Variants in COX7B2 observed in about 807,000 individuals in gnomAD.
COX7B2 encodes cytochrome c oxidase subunit 7B2, mitochondrial.
For missense variants in COX7B2, 109 were observed against 95.9 expected (o/e 1.14, Z -0.57); for synonymous variants, 37 against 32.1 (o/e 1.15, Z -0.51).
intron 1 of COX7B2, among the ~76,000 whole-genome samples, chr4:46,853,978 A>G (rs1160275586): frequency 6.6e-6 from 1 of 152,162 alleles, no homozygotes; most frequent in Non-Finnish European, 1.5e-5. Flanking sequence ...CTTGTGGATA[A>G]TTCAAGTGAA....
intron 2 of COX7B2, among the ~76,000 whole-genome samples, chr4:46,751,680 G>T (rs1715389008): frequency 6.6e-6 from 1 of 151,874 alleles, no homozygotes; most frequent in South Asian, 2.1e-4. Context: ...CTAGGAAAGT[G>T]ATTTTATATT....
intron 2 of COX7B2, among the ~76,000 whole-genome samples, chr4:46,751,308 G>A (rs1044532102): frequency 1.3e-5 from 2 of 151,470 alleles, no homozygotes; most frequent in East Asian, 2.0e-4. Flanking sequence ...TTTTGCAAAA[G>A]CATACATATG....
At chr4:46,873,671 A>G (rs1216298467) in intron 1 of COX7B2, among the ~76,000 whole-genome samples, 6 of 151,908 alleles carry the variant, frequency 3.9e-5, no homozygotes, top group Admixed American at 6.6e-5. Context: ...TGCTATTACT[A>G]TTTTTTTTAA....
At chr4:46,896,732 T>C (rs1460986973) in intron 1 of COX7B2, among the ~76,000 whole-genome samples, 1 of 152,200 alleles carries the variant, frequency 6.6e-6, no homozygotes, top group Non-Finnish European at 1.5e-5. Context: ...ATGAATATTG[T>C]ATTTTTTGCC....
chr4:46,845,487 A>G (rs1027366015), intron 1 of COX7B2, among the ~76,000 whole-genome samples: 2 of 152,006 alleles, frequency 1.3e-5, no homozygotes, highest in African/African-American at 4.8e-5. Context: ...TAATGCCTCA[A>G]ATGTGGTTGA....
At chr4:46,852,008 T>C (rs1716722401) in intron 1 of COX7B2, among the ~76,000 whole-genome samples, 1 of 152,092 alleles carries the variant, frequency 6.6e-6, no homozygotes. Flanking sequence ...AAATCCTGTT[T>C]CTCCCAATTA....
In COX7B2 at chr4:46,900,857, C is replaced by T. The variant is rs376878316; in HGVS notation, c.-105+8303G>A. ...GGACTTCCCAGTCCCCAGAACTATG[C>T]GACATAAATTACTGTTGCTTATAAG... On this transcript the variant is annotated intron_variant, in intron 1 of 2. Coordinates refer to ENST00000355591, the MANE Select transcript of COX7B2 (RefSeq NM_130902.3). 1.7e-4 allele frequency among the ~76,000 whole-genome samples: 26 copies of T among 152,200 alleles called. No individual in the cohort carries two copies. In the South Asian group the frequency reaches 2.9e-3, roughly 17 times the overall value.
chr4:46,841,647 C>T (rs915771061), intron 2 of COX7B2, among the ~76,000 whole-genome samples: 1 of 151,914 alleles, frequency 6.6e-6, no homozygotes, highest in African/African-American at 2.4e-5. Flanking sequence ...TAACAATGTG[C>T]TCTGAATTGT....
intron 2 of COX7B2, among the ~76,000 whole-genome samples, chr4:46,781,021 T>G (rs987533714): frequency 6.6e-6 from 1 of 152,210 alleles, no homozygotes; most frequent in African/African-American, 2.4e-5. Context: ...GATTTCAATA[T>G]GGCAGATATA....
intron 1 of COX7B2, among the ~76,000 whole-genome samples, chr4:46,895,556 C>G (rs899619533): frequency 5.3e-5 from 8 of 152,046 alleles, no homozygotes; most frequent in African/African-American, 1.9e-4. Flanking sequence ...GCTTAGTACC[C>G]GAGTGACAAA....
intron 2 of COX7B2, among the ~76,000 whole-genome samples, chr4:46,762,608 A>G (rs1299839844): frequency 6.7e-6 from 1 of 149,426 alleles, no homozygotes; most frequent in Non-Finnish European, 1.5e-5. Flanking sequence ...ACTGTGAGGT[A>G]GAGAGCATAG....
chr4:46,901,677 G>A (rs66513358), intron 1 of COX7B2, among the ~76,000 whole-genome samples: 6,894 of 152,232 alleles, frequency 0.045, 195 homozygotes, highest in Middle Eastern at 0.075. Flanking sequence ...TCACTAATGC[G>A]GACTTACGTC....
At chr4:46,742,786 T>G (rs973830518) in intron 2 of COX7B2, among the ~76,000 whole-genome samples, 2 of 151,986 alleles carry the variant, frequency 1.3e-5, no homozygotes, top group Non-Finnish European at 2.9e-5. Context: ...ATATGTTGCC[T>G]GAAGAGTAAA....
At chr4:46,776,577 G>A (rs1050292911) in intron 2 of COX7B2, among the ~76,000 whole-genome samples, 10 of 152,070 alleles carry the variant, frequency 6.6e-5, no homozygotes, top group Admixed American at 5.2e-4. Context: ...TTCAGAGAAG[G>A]GGAGAAGATC....
chr4:46,865,779 G>A (rs1011886575), intron 1 of COX7B2, among the ~76,000 whole-genome samples: 2 of 152,124 alleles, frequency 1.3e-5, no homozygotes, highest in Admixed American at 1.3e-4. Context: ...CTTCTTGGTT[G>A]CCGACTCTGT....
At chr4:46,777,538 A>G (rs1176115611) in intron 2 of COX7B2, among the ~76,000 whole-genome samples, 9 of 152,160 alleles carry the variant, frequency 5.9e-5, no homozygotes, top group Non-Finnish European at 1.3e-4. Context: ...AACTGTTAGG[A>G]TAAGTCCTTT....
chr4:46,887,799 A>C (rs1172520279), intron 1 of COX7B2, among the ~76,000 whole-genome samples: 1 of 151,836 alleles, frequency 6.6e-6, no homozygotes, highest in African/African-American at 2.4e-5. Flanking sequence ...CTAGGCAAGC[A>C]GTCACTACCT....
intron 2 of COX7B2, among the ~76,000 whole-genome samples, chr4:46,830,337 A>G (rs1196756885): frequency 2.0e-5 from 3 of 151,606 alleles, no homozygotes; most frequent in Admixed American, 6.6e-5. Flanking sequence ...AAAAAAAAAA[A>G]AAAAAAGAAA....
At chr4:46,762,463 A>G (rs951354601) in intron 2 of COX7B2, among the ~76,000 whole-genome samples, 1 of 125,414 alleles carries the variant, frequency 8.0e-6, no homozygotes, top group Admixed American at 8.9e-5. Context: ...TATATATAGT[A>G]TATGTACTAT....
Sources: gnomAD v4.1 joint callset for allele counts (sites outside exome capture counted in the v4.1 genomes callset) on GRCh38, gnomAD v4.1.1 for gene constraint, MANE v1.5 for transcripts, NCBI Gene and HGNC (gene_info 2026-07-23, HGNC 2026-07-21) for gene names.